LARGE1: variants seen among roughly 807,000 people sequenced by gnomAD.
The protein encoded by LARGE1 is xylosyl- and glucuronyltransferase LARGE1.
LARGE1 carries 43 observed loss-of-function variants against 87.6 expected under a neutral mutation model. The ratio of observed to expected loss-of-function variants is 0.49; its 90% CI spans 0.38 to 0.63. The LOEUF (loss-of-function observed/expected upper bound fraction) is 0.63, where lower values mean the gene tolerates loss of function less well. Ranked by LOEUF, LARGE1 falls within the 30% of genes least tolerant of loss-of-function variation. The pLI is 0.00. For synonymous variants in LARGE1, 434 were observed against 394.6 expected, an observed-to-expected ratio of 1.10 and a Z score of -1.18; for missense variants, 802 against 1,000.2, an observed-to-expected ratio of 0.80 and a Z score of 2.67.
rs115536669 is a variant in LARGE1, at chr22:33,886,602, G to A, written c.-83+33393C>T. On this transcript the variant is annotated intron_variant, in intron 1 of 14. Coordinates refer to ENST00000397394, the MANE Select transcript of LARGE1 (RefSeq NM_133642.5). ...TGAGGCAGGAGAATTGCTTGAACTC[G>A]GGAGGTTGCAGTGAGCCGAGATCAT... Among the ~76,000 whole-genome samples the A allele has an allele frequency of 5.4e-3, 759 of 139,352 alleles. 9 individuals carry two copies. Among genetic ancestry groups the A allele is most frequent in the African/African-American group, 0.019 (729 of 38,734 alleles). The allele number at this position is 139,352 out of a possible 152,430, so 91.4% of individuals were successfully genotyped here.
rs146932995 is a variant in LARGE1, at chr22:33,558,332, G to T, written c.787+6516C>A. Among the ~76,000 whole-genome samples, 11 of 152,236 alleles carry T rather than the reference G, an allele frequency of 7.2e-5. No homozygotes were observed. The East Asian group carries it at 2.1e-3, about 29-fold the overall frequency. ...TTCATTTGGAGATAAGGGAAGGCAG[G>T]AAAGGAGATTTAAAGTCAAATAAAA... On this transcript the variant is annotated intron_variant, in intron 6 of 14. Transcript: ENST00000397394.
intron 2 of LARGE1, among the ~76,000 whole-genome samples, chr22:33,694,515 T>C (rs991969758): frequency 2.6e-5 from 4 of 152,202 alleles, no homozygotes; most frequent in Non-Finnish European, 5.9e-5. Flanking sequence ...AATAAATGTC[T>C]CTTTGTGTGG....
intron 6 of LARGE1, among the ~76,000 whole-genome samples, chr22:33,450,212 G>A (rs1210603755): frequency 2.0e-5 from 3 of 151,996 alleles, no homozygotes; most frequent in African/African-American, 7.2e-5. Context: ...GCACCTGGCC[G>A]AGGCTTTTGT....
At chr22:33,400,511 T>A (rs1363969642) in intron 7 of LARGE1, among the ~76,000 whole-genome samples, 1 of 152,182 alleles carries the variant, frequency 6.6e-6, no homozygotes, top group Non-Finnish European at 1.5e-5. Context: ...ATGGATATTT[T>A]AAATTTTTAA....
chr22:33,828,998 CTCTT>C (rs2062880921), intron 1 of LARGE1, among the ~76,000 whole-genome samples: 1 of 132,784 alleles, frequency 7.5e-6, no homozygotes, highest in Non-Finnish European at 1.6e-5. Context: ...TTTGTGAAGT[CTCTT>C]TTTCTTTTTT....
chr22:33,639,763 CAT>C (rs1315287948), intron 3 of LARGE1, among the ~76,000 whole-genome samples: 1 of 152,208 alleles, frequency 6.6e-6, no homozygotes, highest in Non-Finnish European at 1.5e-5. Flanking sequence ...TCCATACACA[CAT>C]GTGCATGAGT....
At position 33,173,635 on chromosome 22, in the gene LARGE1, A is replaced by G. The variant is rs569731226; in HGVS notation, c.1731-6803T>C. On this transcript the variant is annotated intron_variant, in intron 11 of 11. Transcript: ENST00000608642. ...CACATATAAGCTCAAAATAAAGGGA[A>G]GGAGGAAGATTTACTGAGCAAATAG... 1.0e-3 allele frequency among the ~76,000 whole-genome samples: 159 copies of G among 151,924 alleles called. 1 individual carries two copies. Among genetic ancestry groups the G allele is most frequent in the African/African-American group, 3.7e-3 (155 of 41,354 alleles).
At chr22:33,572,448 T>A (rs1213636311) in intron 5 of LARGE1, among the ~76,000 whole-genome samples, 1 of 152,168 alleles carries the variant, frequency 6.6e-6, no homozygotes, top group Non-Finnish European at 1.5e-5. Context: ...ACAACCAGCC[T>A]GGCAAAGTCA....
the LARGE1 span, among the ~76,000 whole-genome samples, chr22:33,143,151 A>T: frequency 6.6e-6 from 1 of 152,198 alleles, no homozygotes; most frequent in Non-Finnish European, 1.5e-5. Flanking sequence ...TGATGAAATG[A>T]CCAAGAGAAA....
At chr22:33,206,099 C>T (rs911819034) in intron 11 of LARGE1, among the ~76,000 whole-genome samples, 3 of 152,018 alleles carry the variant, frequency 2.0e-5, no homozygotes, top group Admixed American at 6.6e-5. Flanking sequence ...GGACTACAGG[C>T]GCCCGCCACC....
chr22:33,178,426 T>C (rs1922993877), intron 11 of LARGE1, among the ~76,000 whole-genome samples: 1 of 152,120 alleles, frequency 6.6e-6, no homozygotes, highest in African/African-American at 2.4e-5. Context: ...GTGATACTCA[T>C]GAAGAAAGGC....
chr22:33,568,955 C>T (rs2078113876), intron 5 of LARGE1, among the ~76,000 whole-genome samples: 1 of 152,098 alleles, frequency 6.6e-6, no homozygotes, highest in African/African-American at 2.4e-5. Flanking sequence ...AGATGCAAAG[C>T]TCTAAGAGTC....
intron 6 of LARGE1, among the ~76,000 whole-genome samples, chr22:33,502,694 A>G (rs983830197): frequency 3.3e-5 from 5 of 151,922 alleles, no homozygotes; most frequent in Non-Finnish European, 7.4e-5. Context: ...TCAGCCTCCC[A>G]AGTAGCTGGG....
At chr22:33,571,926 C>T (rs1009696721) in intron 5 of LARGE1, among the ~76,000 whole-genome samples, 2 of 152,202 alleles carry the variant, frequency 1.3e-5, no homozygotes, top group African/African-American at 4.8e-5. Flanking sequence ...CCTCCAGACA[C>T]ATTTTCATTC....
chr22:33,431,287 T>C (rs1601813429), intron 7 of LARGE1, among the ~76,000 whole-genome samples: 1 of 152,162 alleles, frequency 6.6e-6, no homozygotes, highest in East Asian at 1.9e-4. Flanking sequence ...TAGGGCCTCG[T>C]ACACAGTAAG....
intron 9 of LARGE1, among the ~76,000 whole-genome samples, chr22:33,367,782 A>G (rs1224156271): frequency 6.6e-6 from 1 of 152,036 alleles, no homozygotes; most frequent in Non-Finnish European, 1.5e-5. Flanking sequence ...TTGGCTTATT[A>G]ATTTTCAACT....
chr22:33,351,325 G>C (rs1940354234), intron 9 of LARGE1, among the ~76,000 whole-genome samples: 1 of 152,238 alleles, frequency 6.6e-6, no homozygotes, highest in Non-Finnish European at 1.5e-5. Context: ...CATCAATGCA[G>C]AAGGCATGAT....
intron 11 of LARGE1, among the ~76,000 whole-genome samples, chr22:33,310,999 T>G (rs61517662): frequency 6.6e-6 from 1 of 151,572 alleles, no homozygotes; most frequent in Non-Finnish European, 1.5e-5. Context: ...CTCGCTTTGT[T>G]GCCCAGGCTG....
intron 1 of LARGE1, among the ~76,000 whole-genome samples, chr22:33,914,269 G>T (rs1321075649): frequency 6.6e-6 from 1 of 152,070 alleles, no homozygotes; most frequent in Non-Finnish European, 1.5e-5. Flanking sequence ...CTACCCAATT[G>T]CTCTTCTACT....
Sources: gnomAD v4.1 joint callset for allele counts (sites outside exome capture counted in the v4.1 genomes callset) on GRCh38, gnomAD v4.1.1 for gene constraint, MANE v1.5 for transcripts, NCBI Gene and HGNC (gene_info 2026-07-23, HGNC 2026-07-21) for gene names.